The following GRM5 variants were observed in gnomAD, a reference collection of about 807,000 sequenced individuals.
GRM5 encodes glutamate metabotropic receptor 5.
A neutral mutation model predicts 83.1 loss-of-function variants in GRM5; 19 were observed. The ratio of observed to expected loss-of-function variants is 0.23; its 90% CI spans 0.16 to 0.34. The LOEUF (loss-of-function observed/expected upper bound fraction) is 0.34. Ranked by LOEUF, GRM5 falls within the 10% of genes least tolerant of loss-of-function variation. The probability of loss-of-function intolerance (pLI) is 1.00; values close to 1 mark genes in which losing one functional copy is unlikely to be tolerated. For missense variants in GRM5, 1,160 were observed against 1,588.3 expected (o/e 0.73, Z 4.58); for synonymous variants, 675 against 633.6 (o/e 1.07, Z -0.98).
chr11:88,580,571 C>T (rs1015490264), intron 7 of GRM5, among the ~76,000 whole-genome samples: 1 of 152,082 alleles, frequency 6.6e-6, no homozygotes, highest in Non-Finnish European at 1.5e-5. Flanking sequence ...CCTTTTTTAT[C>T]AGGGACAATG....
intron 2 of GRM5, among the ~76,000 whole-genome samples, chr11:88,965,326 G>A (rs1187961129): frequency 2.6e-5 from 4 of 152,062 alleles, no homozygotes; most frequent in Non-Finnish European, 5.9e-5. Flanking sequence ...ATCCTCACAT[G>A]GAGGAAAGAG....
chr11:88,611,153 C>G (rs1345211417), intron 4 of GRM5, among the ~76,000 whole-genome samples: 4 of 152,120 alleles, frequency 2.6e-5, no homozygotes, highest in Non-Finnish European at 5.9e-5. Flanking sequence ...CTATGTTCAT[C>G]AGGGATATGA....
chr11:88,629,227 A>G (rs987128831), intron 4 of GRM5, among the ~76,000 whole-genome samples: 3 of 152,092 alleles, frequency 2.0e-5, no homozygotes, highest in Admixed American at 2.0e-4. Context: ...TTTTAACATA[A>G]AATTCCTTCA....
At chr11:89,059,073 G>A (rs1367149991) in intron 1 of GRM5, among the ~76,000 whole-genome samples, 3 of 152,140 alleles carry the variant, frequency 2.0e-5, no homozygotes, top group Middle Eastern at 6.8e-3. Flanking sequence ...CATTATTAAA[G>A]TGCTCACTAT....
intron 3 of GRM5, among the ~76,000 whole-genome samples, chr11:88,694,158 T>C (rs1194109500): frequency 6.6e-6 from 1 of 152,224 alleles, no homozygotes; most frequent in African/African-American, 2.4e-5. Flanking sequence ...CATGGGGATA[T>C]GCTGCATAAT....
At chr11:88,982,322 C>G (rs1274692975) in intron 2 of GRM5, among the ~76,000 whole-genome samples, 1 of 152,076 alleles carries the variant, frequency 6.6e-6, no homozygotes, top group Admixed American at 6.6e-5. Flanking sequence ...ATAATACAAT[C>G]TAAAAAATAC....
intron 2 of GRM5, among the ~76,000 whole-genome samples, chr11:88,977,759 G>T (rs1234535368): frequency 6.6e-6 from 1 of 152,200 alleles, no homozygotes. Context: ...GAAGCCACTT[G>T]CTATAGAGGG....
At chr11:88,581,112 C>CAATA (rs1943206536) in intron 7 of GRM5, among the ~76,000 whole-genome samples, 1 of 152,038 alleles carries the variant, frequency 6.6e-6, no homozygotes, top group African/African-American at 2.4e-5. Flanking sequence ...GATTCCATCT[C>CAATA]AATAAATAAA....
intron 2 of GRM5, among the ~76,000 whole-genome samples, chr11:88,958,747 C>T (rs1020117092): frequency 2.1e-4 from 32 of 152,072 alleles, no homozygotes; most frequent in Non-Finnish European, 8.8e-5. Context: ...GGGCAATATC[C>T]ACTGGTATTT....
chr11:88,816,238 A>G (rs1340564618), intron 3 of GRM5, among the ~76,000 whole-genome samples: 3 of 138,722 alleles, frequency 2.2e-5, no homozygotes, highest in Admixed American at 7.0e-5. Flanking sequence ...AAAAAAAAAA[A>G]AAAAAAAGAA....
chr11:88,710,975 T>C (rs1941268311), intron 3 of GRM5, among the ~76,000 whole-genome samples: 2 of 152,126 alleles, frequency 1.3e-5, no homozygotes, highest in South Asian at 4.2e-4. Flanking sequence ...CTGGAGGGAA[T>C]AGATGGGACA....
At chr11:88,880,836 AT>A (rs1944939414) in intron 2 of GRM5, among the ~76,000 whole-genome samples, 1 of 152,168 alleles carries the variant, frequency 6.6e-6, no homozygotes, top group Non-Finnish European at 1.5e-5. Flanking sequence ...GTTCAATTCT[AT>A]TTCTGCACAT....
chr11:88,712,020 C>T (rs534836253), intron 3 of GRM5, among the ~76,000 whole-genome samples: 1 of 152,018 alleles, frequency 6.6e-6, no homozygotes, highest in African/African-American at 2.4e-5. Context: ...AGTTTTTTCT[C>T]AGACAGTGTT....
intron 2 of GRM5, among the ~76,000 whole-genome samples, chr11:88,986,274 T>G (rs910086953): frequency 8.5e-5 from 13 of 152,168 alleles, no homozygotes; most frequent in Admixed American, 7.9e-4. Context: ...TCAATTTATA[T>G]AACATTCTTG....
At chr11:88,526,245 T>G (rs1941874212) in intron 8 of GRM5, among the ~76,000 whole-genome samples, 1 of 152,226 alleles carries the variant, frequency 6.6e-6, no homozygotes, top group African/African-American at 2.4e-5. Flanking sequence ...ATTCCCAATA[T>G]TACTCTTCTA....
intron 1 of GRM5, chr11:89,063,379 C>G (rs1942036651): frequency 6.6e-6 from 1 of 152,414 alleles, no homozygotes; most frequent in African/African-American, 2.4e-5. Context: ...ACCCGCGTCC[C>G]CCTCCCCCAA....
chr11:88,986,204 T>C (rs1939704758), intron 2 of GRM5, among the ~76,000 whole-genome samples: 1 of 152,120 alleles, frequency 6.6e-6, no homozygotes, highest in African/African-American at 2.4e-5. Flanking sequence ...ATACAACAAC[T>C]AATATAATCT....
chr11:88,978,726 C>A (rs1202528629), intron 2 of GRM5, among the ~76,000 whole-genome samples: 2 of 151,792 alleles, frequency 1.3e-5, no homozygotes, highest in East Asian at 3.9e-4. Context: ...ATTTTGAGCA[C>A]CTTGCATGTG....
At chr11:88,838,637 A>C (rs1385727719) in intron 3 of GRM5, among the ~76,000 whole-genome samples, 1 of 152,210 alleles carries the variant, frequency 6.6e-6, no homozygotes, top group African/African-American at 2.4e-5. Context: ...CCTAACAGTG[A>C]GAAATTAATA....
Sources: gnomAD v4.1 joint callset for allele counts (sites outside exome capture counted in the v4.1 genomes callset) on GRCh38, gnomAD v4.1.1 for gene constraint, MANE v1.5 for transcripts, NCBI Gene and HGNC (gene_info 2026-07-23, HGNC 2026-07-21) for gene names.